Variants in EYS observed in about 807,000 individuals in gnomAD.
EYS encodes the protein EGF-like photoreceptor maintenance factor.
EYS carries 250 observed loss-of-function variants against 282.1 expected under a neutral mutation model. The ratio of observed to expected loss-of-function variants is 0.89; its 90% CI spans 0.80 to 0.98. EYS has a LOEUF of 0.98. Among genes scored for constraint, EYS ranks in the 50% least tolerant of loss-of-function variants. EYS has a pLI of 0.00. For missense variants in EYS, 4,016 were observed against 3,709.0 expected, an observed-to-expected ratio of 1.08 and a Z score of -2.15; for synonymous variants, 1,355 against 1,282.9, an observed-to-expected ratio of 1.06 and a Z score of -1.20.
chr6:64,360,003 T>C (rs1268206313), intron 29 of EYS, among the ~76,000 whole-genome samples: 1 of 151,644 alleles, frequency 6.6e-6, no homozygotes, highest in Non-Finnish European at 1.5e-5. Context: ...CTACTAACCT[T>C]CCTCAAATGG....
intron 28 of EYS, among the ~76,000 whole-genome samples, chr6:64,414,360 G>T (rs1423669278): frequency 6.6e-6 from 1 of 152,130 alleles, no homozygotes; most frequent in Admixed American, 6.6e-5. Flanking sequence ...AATTAAGTTT[G>T]AGGGTAGAAC....
At chr6:64,666,449 T>G (rs1769230919) in intron 22 of EYS, among the ~76,000 whole-genome samples, 1 of 152,194 alleles carries the variant, frequency 6.6e-6, no homozygotes, top group Non-Finnish European at 1.5e-5. Context: ...AATCTCTCCT[T>G]GAAGTTAATT....
chr6:64,528,943 CT>C (rs957644933), intron 26 of EYS, among the ~76,000 whole-genome samples: 46 of 151,956 alleles, frequency 3.0e-4, no homozygotes, highest in African/African-American at 1.0e-3. Flanking sequence ...AAATAATTTT[CT>C]TATATTACAA....
At chr6:64,511,863 G>A (rs1454012302) in intron 26 of EYS, among the ~76,000 whole-genome samples, 2 of 151,862 alleles carry the variant, frequency 1.3e-5, no homozygotes, top group Non-Finnish European at 2.9e-5. Flanking sequence ...ACTTAGTTTT[G>A]AAAATCAGAT....
chr6:64,590,724 C>G lies in EYS; in HGVS notation c.5143G>C (p.Glu1715Gln). 2 of 1,551,042 alleles carry G rather than the reference C, an allele frequency of 1.3e-6. No homozygotes were observed. The highest frequency in any genetic ancestry group is 2.4e-5 in the South Asian group (2 of 84,056). ...RQYGITMGPT[E>Q]VLNQESLLDM... ...AATAAGCTCTCTTGATTTAGTACCTCAGTGGGTCCCATAGTTATGCCATAT... is the reference window on the plus strand; with the variant it reads ...AATAAGCTCTCTTGATTTAGTACCTGAGTGGGTCCCATAGTTATGCCATAT... The change falls in exon 26 of 43, where the codon GAG (glutamate) becomes CAG (glutamine). Residue 1715 changes from glutamate to glutamine, a missense_variant. By Grantham distance (29) the Glu-to-Gln change is conservative. Transcript: ENST00000503581.
chr6:64,789,316 G>C (rs1166531197), intron 22 of EYS, among the ~76,000 whole-genome samples: 1 of 152,070 alleles, frequency 6.6e-6, no homozygotes, highest in Admixed American at 6.6e-5. Context: ...CTCTCTTTGT[G>C]CTTGGATTAC....
intron 19 of EYS, among the ~76,000 whole-genome samples, chr6:64,852,349 G>C (rs767797233): frequency 6.6e-6 from 1 of 152,068 alleles, no homozygotes; most frequent in African/African-American, 2.4e-5. Flanking sequence ...ATGTAAAAAG[G>C]CTTGACTGTC....
intron 26 of EYS, among the ~76,000 whole-genome samples, chr6:64,544,746 T>A (rs1476205909): frequency 6.6e-6 from 1 of 152,124 alleles, no homozygotes; most frequent in African/African-American, 2.4e-5. Flanking sequence ...TAAAAACCTC[T>A]ATGCAAATAA....
intron 31 of EYS, among the ~76,000 whole-genome samples, chr6:64,083,794 A>G (rs1772054271): frequency 6.6e-6 from 1 of 152,104 alleles, no homozygotes; most frequent in South Asian, 2.1e-4. Context: ...CTGGAGTGCA[A>G]TGGTGCAATC....
chr6:64,310,400 T>C (rs1314070573), intron 29 of EYS, among the ~76,000 whole-genome samples: 1 of 152,078 alleles, frequency 6.6e-6, no homozygotes, highest in East Asian at 1.9e-4. Flanking sequence ...TACACAGCCA[T>C]GAAAAAGAAC....
chr6:64,053,241 T>C (rs1237260191), intron 33 of EYS, among the ~76,000 whole-genome samples: 2 of 152,206 alleles, frequency 1.3e-5, no homozygotes, highest in Admixed American at 6.5e-5. Flanking sequence ...AAATTTCTAA[T>C]AGAAAAATGG....
intron 29 of EYS, among the ~76,000 whole-genome samples, chr6:64,344,619 T>C (rs538167441): frequency 2.0e-5 from 3 of 152,130 alleles, no homozygotes; most frequent in Non-Finnish European, 4.4e-5. Flanking sequence ...ACTGGAAACA[T>C]TCTTTTTGAA....
At chr6:65,123,969 CAGGAGTTCA>C (rs1448106993) in intron 12 of EYS, among the ~76,000 whole-genome samples, 1 of 151,594 alleles carries the variant, frequency 6.6e-6, no homozygotes, top group Admixed American at 6.6e-5. Context: ...CCCTTGAGCT[CAGGAGTTCA>C]AGATCAGCCT....
Position 64,713,967 on chromosome 6 carries a change from T to C in EYS, c.3444-87722A>G, listed in dbSNP as rs367976360. On this transcript the variant is annotated intron_variant, in intron 22 of 42. Coordinates refer to ENST00000503581, the MANE Select transcript of EYS (RefSeq NM_001142800.2). ...TATGAGCCTTTAGTTTCTTTGCTTT[T>C]CAGGGGCTCACAAAGCTATATATTT... Among the ~76,000 whole-genome samples the C allele has an allele frequency of 5.3e-5, 8 of 152,334 alleles. No homozygotes were observed. The South Asian group carries it at 1.7e-3, about 32-fold the overall frequency.
At chr6:64,474,550 T>C (rs1426171607) in intron 26 of EYS, among the ~76,000 whole-genome samples, 2 of 152,210 alleles carry the variant, frequency 1.3e-5, no homozygotes, top group African/African-American at 2.4e-5. Flanking sequence ...ATACTCGAGA[T>C]GACAGGCACC....
At chr6:64,358,291 T>C (rs1357116594) in intron 29 of EYS, among the ~76,000 whole-genome samples, 2 of 151,660 alleles carry the variant, frequency 1.3e-5, no homozygotes, top group African/African-American at 2.4e-5. Flanking sequence ...CAGAAAGTTA[T>C]GATGCTTCTG....
chr6:63,828,832 A>C (rs1241373912), intron 36 of EYS, among the ~76,000 whole-genome samples: 1 of 152,152 alleles, frequency 6.6e-6, no homozygotes, highest in Non-Finnish European at 1.5e-5. Flanking sequence ...GATGTGGTGA[A>C]CAGGGAATAC....
intron 31 of EYS, among the ~76,000 whole-genome samples, chr6:64,098,525 T>G (rs1019101359): frequency 6.6e-6 from 1 of 151,952 alleles, no homozygotes; most frequent in African/African-American, 2.4e-5. Context: ...TAAAGATAAC[T>G]CAGGGTAGTG....
At chr6:65,219,895 A>T (rs907711646) in intron 12 of EYS, among the ~76,000 whole-genome samples, 4 of 152,144 alleles carry the variant, frequency 2.6e-5, no homozygotes, top group Admixed American at 2.6e-4. Flanking sequence ...CACTACCATG[A>T]GAACAGTATG....
Sources: gnomAD v4.1 joint callset for allele counts (sites outside exome capture counted in the v4.1 genomes callset) on GRCh38, gnomAD v4.1.1 for gene constraint, MANE v1.5 for transcripts, NCBI Gene and HGNC (gene_info 2026-07-23, HGNC 2026-07-21) for gene names.